The following TEX9 variants were observed in gnomAD, a reference collection of about 807,000 sequenced individuals.
TEX9 encodes the protein testis-expressed protein 9.
TEX9 carries 74 observed loss-of-function variants against 59.6 expected under a neutral mutation model. That is an observed-to-expected ratio of 1.24 (90% CI 1.03 to 1.51). TEX9 has a LOEUF of 1.51. Among genes scored for constraint, TEX9 ranks in the 40% most tolerant of loss-of-function variants. TEX9 has a pLI of 0.00. For synonymous variants in TEX9, 186 were observed against 152.2 expected (o/e 1.22, Z -1.64); for missense variants, 522 against 447.8 (o/e 1.17, Z -1.49).
At chr15:56,285,344 T>G (rs1456839798) in intron 1 of TEX9, among the ~76,000 whole-genome samples, 1 of 152,210 alleles carries the variant, frequency 6.6e-6, no homozygotes, top group African/African-American at 2.4e-5. Flanking sequence ...AGGTCGTAGA[T>G]AATTTGAGAT....
At chr15:56,406,454 C>A (rs992262800) in intron 9 of TEX9, among the ~76,000 whole-genome samples, 9 of 152,030 alleles carry the variant, frequency 5.9e-5, no homozygotes, top group African/African-American at 2.2e-4. Context: ...TTTATGTATA[C>A]CAAATACTTA....
chr15:56,300,328 G>C (rs2045314429), intron 1 of TEX9, among the ~76,000 whole-genome samples: 1 of 152,010 alleles, frequency 6.6e-6, no homozygotes, highest in African/African-American at 2.4e-5. Context: ...TGTGGCTTGG[G>C]TGCCAGTTCA....
chr15:56,362,570 A>G (rs1171268718), upstream of TEX9, among the ~76,000 whole-genome samples: 11 of 152,246 alleles, frequency 7.2e-5, no homozygotes, highest in African/African-American at 2.7e-4. Context: ...TTTATTTCAC[A>G]TATCTATATT....
chr15:56,246,112 A>G (rs929885188), intron 1 of TEX9, among the ~76,000 whole-genome samples: 3 of 152,306 alleles, frequency 2.0e-5, no homozygotes, highest in African/African-American at 7.2e-5. Flanking sequence ...CGGGTGTCAC[A>G]CAGGCTGGCT....
At chr15:56,245,873 C>T (rs543699876) in intron 1 of TEX9, among the ~76,000 whole-genome samples, 171 of 152,060 alleles carry the variant, frequency 1.1e-3, no homozygotes, top group African/African-American at 4.1e-3. Context: ...TATATATATA[C>T]GTGTGTGTGT....
chr15:56,276,362 A>T (rs534019377), intron 1 of TEX9, among the ~76,000 whole-genome samples: 1 of 151,912 alleles, frequency 6.6e-6, no homozygotes, highest in Non-Finnish European at 1.5e-5. Flanking sequence ...CTGGTGTGTG[A>T]TGTTCCCCTC....
intron 12 of TEX9, among the ~76,000 whole-genome samples, chr15:56,442,559 TA>T (rs1256440805): frequency 6.6e-6 from 1 of 152,078 alleles, no homozygotes; most frequent in African/African-American, 2.4e-5. Flanking sequence ...TACACAGCCA[TA>T]AAAAAGAACA....
At chr15:56,453,669 A>T in the TEX9 span, among the ~76,000 whole-genome samples, 1 of 152,208 alleles carries the variant, frequency 6.6e-6, no homozygotes. Flanking sequence ...CTAATTGTTT[A>T]GTGCCATAAT....
intron 3 of TEX9, among the ~76,000 whole-genome samples, chr15:56,382,998 A>T: frequency 6.6e-6 from 1 of 152,156 alleles, no homozygotes; most frequent in East Asian, 1.9e-4. Flanking sequence ...ACTGCCCTTC[A>T]AGTTTACCTA....
chr15:56,351,243 GGTTTCTGTTTATT>G (rs1567094949), intron 1 of TEX9, among the ~76,000 whole-genome samples: 2 of 151,690 alleles, frequency 1.3e-5, no homozygotes, highest in Non-Finnish European at 2.9e-5. Flanking sequence ...ATTTATGCCA[GGTTTCTGTTTATT>G]GTTTCTAGGA....
chr15:56,450,478 T>C (rs2050940240), downstream of TEX9, among the ~76,000 whole-genome samples: 1 of 152,196 alleles, frequency 6.6e-6, no homozygotes, highest in Non-Finnish European at 1.5e-5. Context: ...TTGCCTATTC[T>C]AGATAGTTCA....
At chr15:56,451,887 T>A in the TEX9 span, among the ~76,000 whole-genome samples, 1 of 152,232 alleles carries the variant, frequency 6.6e-6, no homozygotes, top group Admixed American at 6.5e-5. Flanking sequence ...GATTTTTTTT[T>A]ATTACTTACG....
intron 9 of TEX9, chr15:56,397,627 TG>T (rs1450076450): frequency 6.6e-6 from 1 of 152,028 alleles, no homozygotes; most frequent in Non-Finnish European, 1.5e-5. Context: ...ACATGAGATT[TG>T]GGAGGGTCTT....
chr15:56,459,162 T>G, the TEX9 span, among the ~76,000 whole-genome samples: 1 of 152,188 alleles, frequency 6.6e-6, no homozygotes, highest in Admixed American at 6.5e-5. Flanking sequence ...ATTTTTTGTC[T>G]CCATGGATTT....
downstream of TEX9, chr15:56,447,230 C>T: frequency 4.8e-6 from 1 of 209,632 alleles, no homozygotes. Context: ...AATACGTCTA[C>T]ATATCATGGA....
At chr15:56,298,762 C>A (rs1219254858) in intron 1 of TEX9, among the ~76,000 whole-genome samples, 1 of 152,142 alleles carries the variant, frequency 6.6e-6, no homozygotes, top group East Asian at 1.9e-4. Context: ...GTTGTCCAAT[C>A]ATAAGATTAG....
intron 11 of TEX9, 29 bp from the exon 12 acceptor site, chr15:56,428,338 T>C: frequency 1.3e-6 from 2 of 1,561,428 alleles, no homozygotes; most frequent in South Asian, 2.2e-5. Flanking sequence ...TAATACTAAA[T>C]CAGACAATAT....
intron 4 of TEX9, 44 bp from the exon 5 acceptor site, chr15:56,388,428 G>A (rs761673487): frequency 7.0e-6 from 10 of 1,422,544 alleles, no homozygotes; most frequent in Non-Finnish European, 7.9e-6. Flanking sequence ...TCTCAGCTCA[G>A]TGTCATCTAT....
intron 1 of TEX9, among the ~76,000 whole-genome samples, chr15:56,261,087 A>T (rs768025604): frequency 2.0e-5 from 3 of 151,680 alleles, no homozygotes; most frequent in African/African-American, 4.8e-5. Context: ...TTGCCCTTTG[A>T]TTCTGATATT....
Sources: allele counts gnomAD v4.1 joint callset (sites outside exome capture counted in the v4.1 genomes callset), GRCh38; gene constraint gnomAD v4.1.1; transcripts MANE v1.5; gene names NCBI Gene and HGNC (gene_info 2026-07-23, HGNC 2026-07-21).